Variants in DNAH14 observed in about 807,000 individuals in gnomAD.
DNAH14 encodes axonemal beta dynein heavy chain 14.
Under a neutral mutation model 520.9 loss-of-function variants are expected in DNAH14, and 478 were observed. The observed-to-expected ratio is 0.92, with a 90% CI of 0.85 to 0.99. The LOEUF is 0.99. Ranked by LOEUF, DNAH14 falls within the 50% of genes least tolerant of loss-of-function variation. The pLI is 0.00. For synonymous variants in DNAH14, 1,581 were observed against 1,757.2 expected (o/e 0.90, Z 2.51); for missense variants, 4,831 against 5,234.5 (o/e 0.92, Z 2.38).
At chr1:224,970,534 C>T (rs558614111) in intron 7 of DNAH14, among the ~76,000 whole-genome samples, 123 of 152,216 alleles carry the variant, frequency 8.1e-4, no homozygotes, top group Admixed American at 1.9e-3. Flanking sequence ...CTGGTTTTAC[C>T]GCTCGGGGGC....
rs2091259396 is a variant in DNAH14 at position 225,232,907 on chromosome 1, G to GTATTAAGCCCAGCATTCATTAGCTA, written c.6518+1758_6518+1782dup. Among the ~76,000 whole-genome samples the GTATTAAGCCCAGCATTCATTAGCTA allele has an allele frequency of 6.6e-6, 1 of 152,006 alleles. No homozygotes were observed. The highest frequency in any genetic ancestry group is 1.5e-5 in the Non-Finnish European group (1 of 67,994). On this transcript the variant is annotated intron_variant, in intron 42 of 85. Coordinates refer to ENST00000682510, the MANE Select transcript of DNAH14 (RefSeq NM_001367479.1). This position sits in a 1 kb window ranked among gnomAD's most constrained non-coding sequence, Gnocchi z 4.2. ...CTGCACAGATCATGCCATCACCTAG[G>GTATTAAGCCCAGCATTCATTAGCTA]TATTAAGCCCAGCATTCATTAGCTA... is the stretch of plus-strand genomic sequence containing the variant.
At chr1:225,375,113 GA>G (rs2095679976) in intron 78 of DNAH14, among the ~76,000 whole-genome samples, 1 of 151,996 alleles carries the variant, frequency 6.6e-6, no homozygotes, top group African/African-American at 2.4e-5. Flanking sequence ...CGAGAACGTA[GA>G]GTGTAAGATG....
chr1:225,058,703 T>C (rs1393659697), intron 17 of DNAH14, among the ~76,000 whole-genome samples: 2 of 152,218 alleles, frequency 1.3e-5, no homozygotes, highest in Non-Finnish European at 2.9e-5. Flanking sequence ...CTGCTTTGAA[T>C]GTTTCGCAGA....
chr1:225,206,300 T>C (rs12077485), intron 40 of DNAH14, 121 bp downstream of exon 40: 111,792 of 847,948 alleles, frequency 0.13, 9,082 homozygotes, highest in East Asian at 0.33. Context: ...CAGCATGAAC[T>C]CAATAGTTTC....
intron 34 of DNAH14, 116 bp from the exon 35 acceptor site, chr1:225,159,198 G>A (rs1573585823): frequency 1.3e-6 from 1 of 763,444 alleles, no homozygotes; most frequent in Non-Finnish European, 2.1e-6. Flanking sequence ...CAGTGAGAGA[G>A]AGGAGGGAAG....
chr1:225,151,847 ATTTC>A (rs2080531282), intron 31 of DNAH14, 154 bp from the exon 32 acceptor site: 7 of 736,362 alleles, frequency 9.5e-6, no homozygotes, highest in Non-Finnish European at 1.7e-5. Context: ...TGAGCCTCCT[ATTTC>A]TTCTTTTTTC....
chr1:225,306,757 A>T (rs1239991254), intron 58 of DNAH14, among the ~76,000 whole-genome samples: 2 of 152,116 alleles, frequency 1.3e-5, no homozygotes, highest in African/African-American at 4.8e-5. Flanking sequence ...GGGCCATGCC[A>T]GGACAATCTT....
At chr1:225,146,173 T>G (rs1353992532) in intron 30 of DNAH14, among the ~76,000 whole-genome samples, 1 of 152,220 alleles carries the variant, frequency 6.6e-6, no homozygotes, top group African/African-American at 2.4e-5. Context: ...CTAATTAAAA[T>G]AAATAATATT....
Position 225,047,700 on chromosome 1 carries a change from C to T in DNAH14, c.1913-2510C>T, listed in dbSNP as rs373802541. On this transcript the variant is annotated intron_variant, in intron 15 of 85. Coordinates refer to ENST00000682510, the MANE Select transcript of DNAH14 (RefSeq NM_001367479.1). ...TCAGAATTGCTACTCCTTGCTTCTG[C>T]GAAAAACAAATGTATCAACTAAAAT... Among the ~76,000 whole-genome samples, 104 of 152,236 alleles carry T rather than the reference C, an allele frequency of 6.8e-4. 2 individuals are homozygous for T. The South Asian group carries it at 0.02, about 29-fold the overall frequency.
At chr1:225,024,107 C>T in intron 11 of DNAH14, 2 of 1,080,134 alleles carry the variant, frequency 1.9e-6, no homozygotes, top group Non-Finnish European at 1.1e-6. Context: ...TTTTAGTATA[C>T]TTCAAGTATT....
chr1:224,938,469 G>T (rs2059186292), intron 1 of DNAH14, among the ~76,000 whole-genome samples: 1 of 152,058 alleles, frequency 6.6e-6, no homozygotes, highest in Admixed American at 6.5e-5. Flanking sequence ...TCAAATAAAT[G>T]CAAATCAAAA....
intron 41 of DNAH14, among the ~76,000 whole-genome samples, chr1:225,218,125 C>A (rs956541867): frequency 1.3e-5 from 2 of 152,064 alleles, no homozygotes; most frequent in Non-Finnish European, 2.9e-5. Flanking sequence ...TTGGTCATCA[C>A]CAGGCCTGCC....
chr1:225,170,229 A>G (rs1300794572), intron 36 of DNAH14, among the ~76,000 whole-genome samples: 1 of 152,212 alleles, frequency 6.6e-6, no homozygotes, highest in Non-Finnish European at 1.5e-5. Flanking sequence ...CAAAATAACC[A>G]GGTAACATCA....
chr1:225,252,497 C>G (rs940204637), intron 44 of DNAH14, 80 bp downstream of exon 44: 1 of 775,452 alleles, frequency 1.3e-6, no homozygotes, highest in African/African-American at 1.8e-5. Context: ...TATATCTACT[C>G]TATTTATAAA....
chr1:225,074,754 T>C (rs559888971), intron 17 of DNAH14, among the ~76,000 whole-genome samples: 4 of 152,210 alleles, frequency 2.6e-5, no homozygotes, highest in African/African-American at 9.6e-5. Flanking sequence ...CAGTTTGGAA[T>C]CTCCAAAGCC....
chr1:225,019,965 A>T (rs2065531909), intron 10 of DNAH14, among the ~76,000 whole-genome samples: 1 of 152,118 alleles, frequency 6.6e-6, no homozygotes, highest in Admixed American at 6.5e-5. Flanking sequence ...AAACAAGAGA[A>T]AACAAATCCC....
At chr1:225,205,786 C>A (rs971318400) in intron 39 of DNAH14, among the ~76,000 whole-genome samples, 185 bp from the exon 40 acceptor site, 7 of 152,144 alleles carry the variant, frequency 4.6e-5, no homozygotes, top group African/African-American at 1.7e-4. Context: ...ATTAAGTATA[C>A]TGTATAAATA....
intron 30 of DNAH14, among the ~76,000 whole-genome samples, chr1:225,146,630 G>A (rs1439622528): frequency 2.6e-5 from 4 of 152,194 alleles, no homozygotes; most frequent in Non-Finnish European, 5.9e-5. Flanking sequence ...CTGGGCCTGT[G>A]GTTCAGTCTT....
chr1:224,977,720 A>G (rs2061966686), intron 8 of DNAH14, among the ~76,000 whole-genome samples: 2 of 152,228 alleles, frequency 1.3e-5, no homozygotes, highest in African/African-American at 4.8e-5. Context: ...GAAATAATCC[A>G]CAGGGTGAAG....
Sources: allele counts gnomAD v4.1 joint callset (sites outside exome capture counted in the v4.1 genomes callset), GRCh38; gene constraint gnomAD v4.1.1; non-coding constraint Gnocchi (gnomAD v3.1); transcripts MANE v1.5; gene names NCBI Gene and HGNC (gene_info 2026-07-23, HGNC 2026-07-21).